Variants in MYLK observed in about 807,000 individuals in gnomAD.
MYLK encodes the protein myosin light chain kinase, smooth muscle.
In MYLK, 106 loss-of-function variants were observed where a neutral mutation model predicts 203.4. That is an observed-to-expected ratio of 0.52 (90% CI 0.45 to 0.61). MYLK has a LOEUF of 0.61. Ranked by LOEUF, MYLK falls within the 20% of genes least tolerant of loss-of-function variation. The probability of loss-of-function intolerance (pLI) is 0.00; values close to 1 mark genes in which losing one functional copy is unlikely to be tolerated. For missense variants in MYLK, 2,072 were observed against 2,442.3 expected, an observed-to-expected ratio of 0.85 and a Z score of 3.20; for synonymous variants, 867 against 959.5, an observed-to-expected ratio of 0.90 and a Z score of 1.78.
At chr3:123,785,443 T>C (rs1014012865) in intron 4 of MYLK, among the ~76,000 whole-genome samples, 2 of 152,212 alleles carry the variant, frequency 1.3e-5, no homozygotes, top group African/African-American at 4.8e-5. Flanking sequence ...AATAGACACC[T>C]GTGGAAAATT....
chr3:123,647,849 G>A (rs962081519), intron 26 of MYLK, among the ~76,000 whole-genome samples: 1 of 152,030 alleles, frequency 6.6e-6, no homozygotes, highest in African/African-American at 2.4e-5. Context: ...ACCACACCTG[G>A]CCTTTGAAGC....
rs539083958 is a variant in MYLK at position 123,767,716 on chromosome 3, G to C, written c.166-15178C>G. Among the ~76,000 whole-genome samples, 4 of 152,342 alleles carry C rather than the reference G, an allele frequency of 2.6e-5. No homozygotes were observed. In the South Asian group the frequency reaches 8.3e-4, roughly 32 times the overall value. ...AGTGACCTCCAGGTCTGAGGAGTGGGGAAGAAGTAAGGATGGGTGGGTGTC... is the reference window on the plus strand; with the variant it reads ...AGTGACCTCCAGGTCTGAGGAGTGGCGAAGAAGTAAGGATGGGTGGGTGTC... On this transcript the variant is annotated intron_variant, in intron 4 of 33. Coordinates refer to ENST00000360304, the MANE Select transcript of MYLK (RefSeq NM_053025.4).
intron 24 of MYLK, among the ~76,000 whole-genome samples, chr3:123,655,555 G>A (rs1355613530): frequency 1.3e-5 from 2 of 152,166 alleles, no homozygotes; most frequent in African/African-American, 4.8e-5. Flanking sequence ...ACTCAGCAGG[G>A]CTGAAACCGC....
chr3:123,866,203 G>A (rs1221279806), intron 2 of MYLK, among the ~76,000 whole-genome samples: 1 of 152,148 alleles, frequency 6.6e-6, no homozygotes, highest in Non-Finnish European at 1.5e-5. Flanking sequence ...CACTGTTTGG[G>A]AGAGTTTTCT....
chr3:123,836,377 A>G (rs1238043576), intron 2 of MYLK, among the ~76,000 whole-genome samples: 1 of 152,224 alleles, frequency 6.6e-6, no homozygotes, highest in Non-Finnish European at 1.5e-5. Flanking sequence ...TATGTTTTGA[A>G]AATACATGTA....
At chr3:123,870,056 A>T (rs567463015) in intron 2 of MYLK, among the ~76,000 whole-genome samples, 1 of 151,896 alleles carries the variant, frequency 6.6e-6, no homozygotes, top group Non-Finnish European at 1.5e-5. Flanking sequence ...ACACAGGCAC[A>T]CTCTTCTATA....
intron 4 of MYLK, among the ~76,000 whole-genome samples, chr3:123,783,981 G>A (rs1296077711): frequency 6.6e-6 from 1 of 152,138 alleles, no homozygotes; most frequent in African/African-American, 2.4e-5. Context: ...ACAGAGGCTG[G>A]GCAGGAAACA....
At chr3:123,791,698 A>G (rs889458422) in intron 4 of MYLK, among the ~76,000 whole-genome samples, 2 of 152,262 alleles carry the variant, frequency 1.3e-5, no homozygotes, top group Non-Finnish European at 2.9e-5. Flanking sequence ...CATATAGTCC[A>G]CATGTAATAT....
At chr3:123,725,416 G>A (rs2062244170) in intron 12 of MYLK, among the ~76,000 whole-genome samples, 1 of 152,134 alleles carries the variant, frequency 6.6e-6, no homozygotes, top group African/African-American at 2.4e-5. Flanking sequence ...AAAAAAAAGA[G>A]TTGGCGAGTC....
intron 3 of MYLK, among the ~76,000 whole-genome samples, chr3:123,817,063 C>T (rs919475984): frequency 2.6e-5 from 4 of 152,186 alleles, no homozygotes; most frequent in Non-Finnish European, 5.9e-5. Flanking sequence ...AGCTTCTTGG[C>T]TCACTTCCTC....
intron 24 of MYLK, 107 bp from the exon 25 acceptor site, chr3:123,649,301 C>A (rs2059129461): frequency 7.0e-7 from 1 of 1,426,172 alleles, no homozygotes; most frequent in African/African-American, 1.4e-5. Context: ...CCTCCCCAGG[C>A]AGACGACTAC....
intron 4 of MYLK, among the ~76,000 whole-genome samples, chr3:123,765,924 G>A (rs2063688181): frequency 6.6e-6 from 1 of 152,164 alleles, no homozygotes; most frequent in Non-Finnish European, 1.5e-5. Context: ...GGGAAAGGAA[G>A]TAAGAAGTTA....
intron 4 of MYLK, among the ~76,000 whole-genome samples, chr3:123,774,515 T>TA (rs2063995287): frequency 6.6e-6 from 1 of 152,264 alleles, no homozygotes; most frequent in East Asian, 1.9e-4. Context: ...TCAAAGAAGA[T>TA]AAGTAATTTA....
At position 123,620,234 on chromosome 3, in the gene MYLK, G is replaced by A. The variant is rs2057776708; in HGVS notation, c.5341C>T (p.Leu1781Phe). 2.5e-6 allele frequency: 4 copies of A among 1,614,144 alleles called. No individual in the cohort carries two copies. The highest frequency in any genetic ancestry group is 2.5e-6 in the Non-Finnish European group (3 of 1,180,022). Residue 1781 changes from leucine (L) to phenylalanine (F), a missense_variant, in exon 32 of 34, where the codon CTC becomes TTC. Leu to Phe is a conservative substitution (Grantham distance 22, BLOSUM62 0). This residue lies in a region of MYLK where 524 missense variants were observed against 782.4 expected (regional missense o/e 0.67). Transcript: ENST00000360304. The part of the protein sequence containing the change: ...KSSTGSPTSP[L>F]NAEKLESEED... The stretch of plus-strand genomic sequence containing the variant: ...TCAGATTCTAGTTTTTCTGCATTGA[G>A]CGGGCTGGTTGGTGACCCTGTTGAG...
chr3:123,616,442 T>C (rs905724408), intron 33 of MYLK: 22 of 152,210 alleles, frequency 1.4e-4, no homozygotes, highest in Non-Finnish European at 7.3e-5. Flanking sequence ...GTACATAGTA[T>C]ATACATGTAC....
intron 16 of MYLK, among the ~76,000 whole-genome samples, chr3:123,703,519 C>G (rs2108605568): frequency 6.6e-6 from 1 of 152,314 alleles, no homozygotes; most frequent in East Asian, 1.9e-4. Flanking sequence ...TGCAGGGAGT[C>G]TCAAGTCTGG....
Position 123,700,959 on chromosome 3 carries a change from C to A in MYLK, c.2509G>T (p.Gly837Cys), listed in dbSNP as rs1401139381. 6.2e-7 allele frequency: 1 copy of A among 1,609,920 alleles called. No homozygotes were observed. The highest frequency in any genetic ancestry group is 8.5e-7 in the Non-Finnish European group (1 of 1,180,016). The change falls in exon 18 of 34, where the codon GGT becomes TGT. Residue 837 changes from glycine (G) to cysteine (C), a missense_variant. Gly to Cys is a radical substitution (Grantham distance 159). Around this residue, in one of 3 missense-constraint regions of MYLK, gnomAD observed 865 missense variants for 1,016.0 expected, o/e 0.85. Coordinates refer to ENST00000360304, the MANE Select transcript of MYLK (RefSeq NM_053025.4). ...SCEDLCGGGVGADGGGSDRYG... is the reference protein window; with the variant it reads ...SCEDLCGGGVCADGGGSDRYG... ...CGGTCACTACCACCACCATCAGCAC[C>A]AACTCCTCCACCACAGAGGTCCTCG...
At chr3:123,682,817 G>A (rs897494041) in intron 19 of MYLK, among the ~76,000 whole-genome samples, 5 of 152,224 alleles carry the variant, frequency 3.3e-5, no homozygotes, top group African/African-American at 9.6e-5. Flanking sequence ...CAAACCAAAC[G>A]GAGGCCTCTG....
intron 23 of MYLK, among the ~76,000 whole-genome samples, chr3:123,662,609 T>A (rs2059599234): frequency 1.3e-5 from 2 of 152,188 alleles, no homozygotes; most frequent in African/African-American, 4.8e-5. Flanking sequence ...ACTTCTAACT[T>A]CATATCTAGA....
Sources: gnomAD v4.1 joint callset for allele counts (sites outside exome capture counted in the v4.1 genomes callset) on GRCh38, gnomAD v4.1.1 for gene constraint, gnomAD v4.1.1 regional missense constraint, MANE v1.5 for transcripts, NCBI Gene and HGNC (gene_info 2026-07-23, HGNC 2026-07-21) for gene names.